Variants in RBMS3 observed in about 807,000 individuals in gnomAD.
RBMS3 encodes the protein RNA-binding motif, single-stranded-interacting protein 3.
A neutral mutation model predicts 66.8 loss-of-function variants in RBMS3; 27 were observed. That is an observed-to-expected ratio of 0.40 (90% CI 0.30 to 0.56). RBMS3 has a LOEUF of 0.56. RBMS3 is among the 20% of genes least tolerant of loss of function. RBMS3 has a pLI of 0.40. For missense variants in RBMS3, 513 were observed against 549.5 expected, an observed-to-expected ratio of 0.93 and a Z score of 0.66; for synonymous variants, 188 against 183.0, an observed-to-expected ratio of 1.03 and a Z score of -0.22.
rs1279928132 is a variant in RBMS3 at position 29,703,240 on chromosome 3, A to G, written c.400-36480A>G. ...GTTTCGAGGGTCCACTCACTTCACT[A>G]CGGAGCTGTACTGTCTTCTCCATGG... On this transcript the variant is annotated intron_variant, in intron 4 of 14. Transcript: ENST00000383767. Among the ~76,000 whole-genome samples, 5 of 152,312 alleles carry G rather than the reference A, an allele frequency of 3.3e-5. No individual in the cohort carries two copies. In the East Asian group the frequency reaches 9.6e-4, roughly 29 times the overall value.
Position 30,006,652 on chromosome 3 carries a change from T to A in RBMS3, c.*2790T>A, listed in dbSNP as rs1167144060. 6.6e-6 allele frequency: 1 copy of A among 151,936 alleles called. No individual in the cohort carries two copies. The highest frequency in any genetic ancestry group is 1.5e-5 in the Non-Finnish European group (1 of 67,888). 9.4% of individuals were successfully genotyped at this position (151,936 alleles called of 1,614,324 possible). ...TGTTTCTCTTTTTCACTCTCTAAAC[T>A]CTTTTTGTATAAATAAGGATTATCC... On this transcript the variant is annotated 3_prime_UTR_variant, in exon 15 of 15. Transcript: ENST00000383767.
chr3:29,592,106 AC>A (rs2047758503), intron 4 of RBMS3, among the ~76,000 whole-genome samples: 2 of 147,418 alleles, frequency 1.4e-5, no homozygotes, highest in South Asian at 2.3e-4. Context: ...AATAAAAAAA[AC>A]CAGTGGATTT....
At chr3:29,680,438 G>A (rs923633497) in intron 4 of RBMS3, among the ~76,000 whole-genome samples, 6 of 152,112 alleles carry the variant, frequency 3.9e-5, no homozygotes, top group African/African-American at 7.2e-5. Context: ...ATTTCCTAAC[G>A]CTTCTTTATG....
chr3:29,867,399 G>A (rs1376408014), intron 6 of RBMS3, among the ~76,000 whole-genome samples: 2 of 148,828 alleles, frequency 1.3e-5, no homozygotes, highest in Non-Finnish European at 3.0e-5. Flanking sequence ...TATCACCTAG[G>A]CTTATATATT....
At chr3:29,893,549 C>G (rs1458245382) in intron 8 of RBMS3, among the ~76,000 whole-genome samples, 2 of 151,510 alleles carry the variant, frequency 1.3e-5, no homozygotes, top group Non-Finnish European at 3.0e-5. Context: ...ATGAGGAAGA[C>G]TGTTTATTGA....
chr3:29,936,190 A>G lies in RBMS3; in HGVS notation c.1044A>G (p.Thr348=). The part of the protein sequence containing the change: ...QQMNHLSLGT[T]GTIQSQDRIM... The stretch of plus-strand genomic sequence containing the variant: ...TGAATCACCTTTCGTTGGGCACAAC[A>G]GGAACGGTGAGTTGAAGAGATTGTT... The change falls in exon 11 of 15, where the codon ACA becomes ACG. Residue 348 remains threonine, a synonymous_variant. Transcript: ENST00000383767. The G allele has an allele frequency of 6.2e-7, 1 of 1,612,366 alleles. No individual in the cohort carries two copies. Among genetic ancestry groups the G allele is most frequent in the South Asian group, 1.1e-5 (1 of 90,772 alleles).
chr3:29,981,468 T>C (rs1697990073), intron 12 of RBMS3, among the ~76,000 whole-genome samples: 1 of 152,178 alleles, frequency 6.6e-6, no homozygotes, highest in Non-Finnish European at 1.5e-5. Flanking sequence ...AATACTATGT[T>C]GAATAGGAGT....
At chr3:29,670,181 C>T (rs917823860) in intron 4 of RBMS3, among the ~76,000 whole-genome samples, 10 of 152,088 alleles carry the variant, frequency 6.6e-5, no homozygotes, top group African/African-American at 1.2e-4. Flanking sequence ...GGTTAAATGG[C>T]GTTCTCCCAA....
intron 1 of RBMS3, among the ~76,000 whole-genome samples, chr3:29,359,489 G>A (rs930118049): frequency 1.1e-3 from 160 of 152,164 alleles, no homozygotes; most frequent in African/African-American, 3.6e-3. Flanking sequence ...TTCATCAGGG[G>A]TATTGGTCTA....
chr3:29,886,333 T>C (rs1025039356), intron 8 of RBMS3, among the ~76,000 whole-genome samples: 5 of 151,858 alleles, frequency 3.3e-5, no homozygotes, highest in Admixed American at 2.6e-4. Flanking sequence ...TAATATCCCA[T>C]TTACAGATAA....
intron 2 of RBMS3, among the ~76,000 whole-genome samples, chr3:29,436,164 T>C (rs2125728037): frequency 6.6e-6 from 1 of 152,364 alleles, no homozygotes; most frequent in Admixed American, 6.5e-5. Context: ...TGAGGATATT[T>C]ATTTTGTAAA....
chr3:29,499,361 G>T (rs1241093362), intron 3 of RBMS3, among the ~76,000 whole-genome samples: 2 of 151,916 alleles, frequency 1.3e-5, no homozygotes, highest in African/African-American at 4.8e-5. Flanking sequence ...GTATGAAAGA[G>T]AAAAACTCAT....
intron 4 of RBMS3, among the ~76,000 whole-genome samples, chr3:29,635,341 C>A (rs1266080027): frequency 6.6e-6 from 1 of 151,914 alleles, no homozygotes; most frequent in Non-Finnish European, 1.5e-5. Flanking sequence ...TTCCCCATCT[C>A]AGTTGATGGC....
At chr3:29,559,564 C>T (rs1468018006) in intron 3 of RBMS3, among the ~76,000 whole-genome samples, 11 of 115,496 alleles carry the variant, frequency 9.5e-5, no homozygotes, top group Admixed American at 5.0e-4. Context: ...CCTGACTATT[C>T]ATGTTAGTAC....
chr3:29,452,324 A>G (rs1187263223), intron 2 of RBMS3, among the ~76,000 whole-genome samples: 2 of 152,184 alleles, frequency 1.3e-5, no homozygotes, highest in African/African-American at 2.4e-5. Context: ...GGATCAATGG[A>G]AGCAAAAATG....
At chr3:29,393,785 T>C (rs1197346028) in intron 1 of RBMS3, among the ~76,000 whole-genome samples, 2 of 147,538 alleles carry the variant, frequency 1.4e-5, no homozygotes, top group Non-Finnish European at 3.0e-5. Flanking sequence ...GGTTCCGTGA[T>C]GCCCCCTGAG....
At chr3:29,429,519 G>T (rs947275749) in intron 1 of RBMS3, among the ~76,000 whole-genome samples, 4 of 152,150 alleles carry the variant, frequency 2.6e-5, no homozygotes, top group African/African-American at 9.7e-5. Context: ...AGCTGCAAGA[G>T]AAATCCTCTA....
intron 1 of RBMS3, among the ~76,000 whole-genome samples, chr3:29,349,952 G>A (rs2036806514): frequency 6.6e-6 from 1 of 152,100 alleles, no homozygotes; most frequent in African/African-American, 2.4e-5. Context: ...CTGAGGTTGG[G>A]AGTTCGAGAC....
At chr3:29,365,795 T>G (rs1215845806) in intron 1 of RBMS3, among the ~76,000 whole-genome samples, 1 of 152,178 alleles carries the variant, frequency 6.6e-6, no homozygotes, top group Non-Finnish European at 1.5e-5. Context: ...TCACCTTAAT[T>G]TAGCTTCCAA....
Sources: allele counts gnomAD v4.1 joint callset (sites outside exome capture counted in the v4.1 genomes callset), GRCh38; gene constraint gnomAD v4.1.1; transcripts MANE v1.5; gene names NCBI Gene and HGNC (gene_info 2026-07-23, HGNC 2026-07-21).